SLC5A11: variants seen among roughly 807,000 people sequenced by gnomAD.
The protein encoded by SLC5A11 is solute carrier family 5 member 11.
Under a neutral mutation model 69.8 loss-of-function variants are expected in SLC5A11, and 48 were observed. That is an observed-to-expected ratio of 0.69 (90% CI 0.55 to 0.87). The LOEUF (loss-of-function observed/expected upper bound fraction) is 0.87. SLC5A11 is among the 40% of genes least tolerant of loss of function. The pLI, the probability that SLC5A11 is intolerant of heterozygous loss-of-function variation, is 0.00. For missense variants in SLC5A11, 784 were observed against 866.1 expected (o/e 0.91, Z 1.19); for synonymous variants, 319 against 342.4 (o/e 0.93, Z 0.75).
At chr16:24,880,781 A>G (rs2047994408) in intron 7 of SLC5A11, among the ~76,000 whole-genome samples, 1 of 152,118 alleles carries the variant, frequency 6.6e-6, no homozygotes, top group Non-Finnish European at 1.5e-5. Context: ...TTACAATTCA[A>G]CATGAGATTT....
Position 24,907,182 on chromosome 16 carries a change from C to A in SLC5A11, c.1265+7C>A. ...AGCTCATGATTGTGGGCAGGTAAGT[C>A]CCCACTGGGTGGGGCTGGGGCAGGG... is the stretch of plus-strand genomic sequence containing the variant. On this transcript the variant is annotated splice_region_variant and intron_variant, in intron 12 of 15. Transcript: ENST00000347898. 1 of 1,613,784 alleles carries A rather than the reference C, an allele frequency of 6.2e-7. No homozygotes were observed. The highest frequency in any genetic ancestry group is 1.1e-5 in the South Asian group (1 of 91,024).
chr16:24,896,995 C>T (rs2049225491), intron 9 of SLC5A11, among the ~76,000 whole-genome samples: 1 of 144,764 alleles, frequency 6.9e-6, no homozygotes, highest in South Asian at 2.2e-4. Context: ...CTCTATCGCC[C>T]AGGCTGAAGT....
At chr16:24,862,564 C>T (rs770142239) in intron 2 of SLC5A11, 37 bp from the exon 4 acceptor site, 23 of 1,582,598 alleles carry the variant, frequency 1.5e-5, no homozygotes, top group East Asian at 4.5e-5. Flanking sequence ...TGATTGCTAA[C>T]GTCTTCCCTC....
chr16:24,893,291 A>AAATTAATTAATT (rs55990088), intron 9 of SLC5A11, among the ~76,000 whole-genome samples: 1 of 146,518 alleles, frequency 6.8e-6, no homozygotes, highest in Non-Finnish European at 1.5e-5. Flanking sequence ...CCATCTCAAA[A>AAATTAATTAATT]AATTAATTAA....
chr16:24,861,566 A>C (rs1267300979), intron 2 of SLC5A11, among the ~76,000 whole-genome samples: 4 of 149,246 alleles, frequency 2.7e-5, no homozygotes, highest in African/African-American at 9.8e-5. Context: ...AAAGAAAGAA[A>C]GAGAGAGAAA....
At chr16:24,880,658 C>A (rs1380263956) in intron 7 of SLC5A11, among the ~76,000 whole-genome samples, 1 of 152,004 alleles carries the variant, frequency 6.6e-6, no homozygotes, top group Admixed American at 6.6e-5. Context: ...TTTAAACAAC[C>A]AATTCTCATG....
intron 9 of SLC5A11, among the ~76,000 whole-genome samples, chr16:24,896,989 A>G (rs1335879643): frequency 2.6e-5 from 3 of 116,990 alleles, no homozygotes; most frequent in Non-Finnish European, 4.8e-5. Flanking sequence ...GTCTCACTCT[A>G]TCGCCCAGGC....
intron 12 of SLC5A11, among the ~76,000 whole-genome samples, chr16:24,907,498 G>A (rs2031235540): frequency 6.6e-6 from 1 of 152,098 alleles, no homozygotes; most frequent in Non-Finnish European, 1.5e-5. Context: ...GATCACTTGA[G>A]GTCAGGTGTT....
intron 14 of SLC5A11, 129 bp downstream of exon 15, chr16:24,909,225 G>A (rs2050312033): frequency 2.2e-6 from 2 of 905,466 alleles, no homozygotes; most frequent in South Asian, 3.4e-5. Context: ...TGAGGTTCAG[G>A]GGCAGGATGA....
intron 1 of SLC5A11, among the ~76,000 whole-genome samples, chr16:24,849,587 AAAAAAAATATAT>A (rs1268242240): frequency 1.6e-4 from 13 of 81,884 alleles, no homozygotes; most frequent in African/African-American, 1.3e-4. Flanking sequence ...AAAAAAAAAA[AAAAAAAATATAT>A]ATATATATAT....
rs1338904177 is a variant in SLC5A11 at position 24,862,582 on chromosome 16, T to G, written c.136-19T>G. The G allele has an allele frequency of 3.1e-6, 5 of 1,601,454 alleles. No individual in the cohort carries two copies. The highest frequency in any genetic ancestry group is 4.3e-6 in the Non-Finnish European group (5 of 1,171,876). Reference sequence around the variant, plus strand: ...TTGCTAACGTCTTCCCTCACCCACCTCTCTTCTTTTTTTTTCAGTCCACAG... The same window carrying G: ...TTGCTAACGTCTTCCCTCACCCACCGCTCTTCTTTTTTTTTCAGTCCACAG... On this transcript the variant is annotated intron_variant, in intron 2 of 15. Coordinates refer to ENST00000347898, the Ensembl canonical transcript of SLC5A11.
chr16:24,902,061 G>A (rs1488840717), intron 10 of SLC5A11, among the ~76,000 whole-genome samples: 1 of 152,088 alleles, frequency 6.6e-6, no homozygotes, highest in East Asian at 1.9e-4. Context: ...GCAGTGAGCT[G>A]TGTTCGAGCC....
At chr16:24,854,964 T>C (rs2152228118) in intron 1 of SLC5A11, among the ~76,000 whole-genome samples, 1 of 151,930 alleles carries the variant, frequency 6.6e-6, no homozygotes, top group East Asian at 1.9e-4. Flanking sequence ...CTTGTGTGTG[T>C]GTGTGTGTGT....
Position 24,885,940 on chromosome 16 carries a change from A to T in SLC5A11, c.664+1809A>T, listed in dbSNP as rs191758500. Among the ~76,000 whole-genome samples, 147 of 152,192 alleles carry T rather than the reference A, an allele frequency of 9.7e-4. 1 individual carries two copies. Among genetic ancestry groups the T allele is most frequent in the African/African-American group, 3.2e-3 (131 of 41,550 alleles). ...TACAATACATTTTCTAAAATTTTCT[A>T]AAAAAATTAGCAGAATTAAACTCCC... On this transcript the variant is annotated intron_variant, in intron 8 of 15. Coordinates refer to ENST00000347898, the Ensembl canonical transcript of SLC5A11.
intron 10 of SLC5A11, 107 bp from the exon 12 acceptor site, chr16:24,906,550 T>G: frequency 1.1e-5 from 6 of 570,670 alleles, no homozygotes; most frequent in South Asian, 3.6e-5. Flanking sequence ...TTTATTTCAT[T>G]GAGCTATAAA....
intron 10 of SLC5A11, among the ~76,000 whole-genome samples, chr16:24,899,429 G>A (rs1347430166): frequency 6.6e-6 from 1 of 151,352 alleles, no homozygotes; most frequent in Admixed American, 6.6e-5. Flanking sequence ...TTTTTTGACA[G>A]AGTCTCACTC....
At chr16:24,905,520 T>C (rs1005959906) in intron 10 of SLC5A11, among the ~76,000 whole-genome samples, 12 of 152,036 alleles carry the variant, frequency 7.9e-5, no homozygotes, top group African/African-American at 2.9e-4. Context: ...ATGCCTGTAA[T>C]TCCAGCTACT....
exon 7 of SLC5A11, chr16:24,877,345 G>A: frequency 6.2e-7 from 1 of 1,613,914 alleles, no homozygotes; most frequent in Non-Finnish European, 8.5e-7. Flanking sequence ...GGCCATCACT[G>A]CTGTATACAC....
At chr16:24,862,937 A>G (rs1234450400) in intron 3 of SLC5A11, among the ~76,000 whole-genome samples, 1 of 142,226 alleles carries the variant, frequency 7.0e-6, no homozygotes, top group Non-Finnish European at 1.5e-5. Flanking sequence ...TATATATTAT[A>G]TAAAATATAT....
Sources: gnomAD v4.1 joint callset for allele counts (sites outside exome capture counted in the v4.1 genomes callset) on GRCh38, gnomAD v4.1.1 for gene constraint, MANE v1.5 for transcripts, NCBI Gene and HGNC (gene_info 2026-07-23, HGNC 2026-07-21) for gene names.